Variants in RB1 observed in about 807,000 individuals in gnomAD.
RB1 encodes the protein retinoblastoma-associated protein.
Under a neutral mutation model 135.4 loss-of-function variants are expected in RB1, and 18 were observed. That is an observed-to-expected ratio of 0.13 (90% CI 0.09 to 0.20). RB1 has a LOEUF of 0.20. Among genes scored for constraint, RB1 ranks in the 10% least tolerant of loss-of-function variants. The probability of loss-of-function intolerance (pLI) is 1.00; values close to 1 mark genes in which losing one functional copy is unlikely to be tolerated. For missense variants in RB1, 868 were observed against 1,110.0 expected (o/e 0.78, Z 3.10); for synonymous variants, 365 against 373.2 (o/e 0.98, Z 0.25).
chr13:48,370,523 CTAGAG>C (rs1304835256), intron 11 of RB1, among the ~76,000 whole-genome samples: 4 of 152,148 alleles, frequency 2.6e-5, no homozygotes, highest in African/African-American at 9.7e-5. Flanking sequence ...GATTAATTTG[CTAGAG>C]TAGTTCACAA....
At chr13:48,436,397 C>T (rs578148392) in intron 17 of RB1, among the ~76,000 whole-genome samples, 1 of 152,268 alleles carries the variant, frequency 6.6e-6, no homozygotes, top group Non-Finnish European at 1.5e-5. Context: ...AATCTCAGCA[C>T]TTTGAGAGGC....
At chr13:48,357,055 A>G (rs1190831733) in intron 6 of RB1, among the ~76,000 whole-genome samples, 1 of 151,494 alleles carries the variant, frequency 6.6e-6, no homozygotes, top group Non-Finnish European at 1.5e-5. Context: ...CTTAAACAGG[A>G]TAACATTTCT....
At chr13:48,452,547 C>A (rs1949334296) in intron 17 of RB1, among the ~76,000 whole-genome samples, 1 of 151,858 alleles carries the variant, frequency 6.6e-6, no homozygotes, top group Non-Finnish European at 1.5e-5. Context: ...TTTTTCATAC[C>A]TAATACTGCC....
chr13:48,351,704 C>T (rs1490160230), intron 6 of RB1, among the ~76,000 whole-genome samples: 1 of 151,178 alleles, frequency 6.6e-6, no homozygotes, highest in Non-Finnish European at 1.5e-5. Flanking sequence ...GACAGAGTCT[C>T]ACTCTGTCAC....
intron 17 of RB1, among the ~76,000 whole-genome samples, chr13:48,442,143 G>A (rs1262828223): frequency 6.6e-6 from 1 of 151,920 alleles, no homozygotes; most frequent in African/African-American, 2.4e-5. Flanking sequence ...CTCTTTTAAT[G>A]TCTGTTTCTC....
At chr13:48,431,656 G>A (rs1169286773) in intron 17 of RB1, among the ~76,000 whole-genome samples, 1 of 151,992 alleles carries the variant, frequency 6.6e-6, no homozygotes, top group Non-Finnish European at 1.5e-5. Flanking sequence ...TAGAAGATAC[G>A]AGCACTACTC....
chr13:48,477,295 A>T, intron 25 of RB1, 60 bp from the exon 26 acceptor site: 3 of 1,263,152 alleles, frequency 2.4e-6, no homozygotes, highest in Admixed American at 1.8e-5. Context: ...TAGTTACTGG[A>T]AATTTGAGTT....
At chr13:48,444,268 G>C (rs1949265972) in intron 17 of RB1, among the ~76,000 whole-genome samples, 1 of 152,184 alleles carries the variant, frequency 6.6e-6, no homozygotes. Flanking sequence ...TGTAATCCCA[G>C]CACTTTGGGA....
intron 2 of RB1, chr13:48,317,444 A>C: frequency 2.5e-6 from 1 of 402,026 alleles, no homozygotes; most frequent in Non-Finnish European, 4.5e-6. Flanking sequence ...TGGGCTCCAG[A>C]GTCCCTTTCA....
At chr13:48,479,038 G>A (rs1398628586) in intron 26 of RB1, among the ~76,000 whole-genome samples, 1 of 152,060 alleles carries the variant, frequency 6.6e-6, no homozygotes, top group East Asian at 1.9e-4. Context: ...ACCAGCCTGG[G>A]CAACATAGCA....
intron 17 of RB1, among the ~76,000 whole-genome samples, chr13:48,443,909 ACT>A (rs1949262387): frequency 6.6e-6 from 1 of 151,734 alleles, no homozygotes; most frequent in African/African-American, 2.4e-5. Flanking sequence ...GTAGGAAAAA[ACT>A]CTCTCAAACC....
chr13:48,386,412 G>A (rs538046095), intron 17 of RB1, among the ~76,000 whole-genome samples: 10 of 151,846 alleles, frequency 6.6e-5, no homozygotes, highest in African/African-American at 2.4e-4. Flanking sequence ...AATATTCAAT[G>A]TGATGAAACT....
rs1262874800 is a variant in RB1 at position 48,377,011 on chromosome 13, G to A, written c.1309G>A (p.Gly437Ser). ...GAAATTTGCTAAAGCTGTGGGACAG[G>A]GTTGTGTCGAAATTGGATCACAGGT... is the stretch of plus-strand genomic sequence containing the variant. ...KEKFAKAVGQ[G>S]CVEIGSQRYK... Residue 437 changes from glycine (G) to serine (S), a missense_variant, in exon 13 of 27, where the codon GGT (glycine) becomes AGT (serine). Coordinates refer to ENST00000267163, the MANE Select transcript of RB1 (RefSeq NM_000321.3). 6.2e-7 allele frequency: 1 copy of A among 1,613,744 alleles called. No individual in the cohort carries two copies. The highest frequency in any genetic ancestry group is 1.7e-4 in the Middle Eastern group (1 of 6,056).
intron 2 of RB1, chr13:48,320,223 G>C (rs1952222339): frequency 9.5e-7 from 1 of 1,052,268 alleles, no homozygotes; most frequent in Non-Finnish European, 1.4e-6. Context: ...CCTTGTGCAC[G>C]GTGGGCTTGG....
rs1948522862 is a variant in RB1, at chr13:48,380,194, T to C, written c.1451T>C (p.Met484Thr). 2 of 1,602,294 alleles carry C rather than the reference T, an allele frequency of 1.2e-6. No individual in the cohort carries two copies. Among genetic ancestry groups the C allele is most frequent in the African/African-American group, 2.7e-5 (2 of 74,562 alleles). ...CTTCTGAATGACAACATTTTTCATA[T>C]GTCTTTATTGGCGTGCGCTCTTGAG... ...SKLLNDNIFHMSLLACALEVV... is the reference protein window; with the variant it reads ...SKLLNDNIFHTSLLACALEVV... Residue 484 changes from methionine (M) to threonine (T), a missense_variant, in exon 16 of 27, where the codon ATG becomes ACG. Physicochemically the swap from Met to Thr is moderately conservative, Grantham distance 81. Coordinates refer to ENST00000267163, the MANE Select transcript of RB1 (RefSeq NM_000321.3).
rs986421435 is a variant in RB1, at chr13:48,318,260, G to C, written c.264+10854G>C. On this transcript the variant is annotated intron_variant, in intron 2 of 26. Transcript: ENST00000267163. ...AGCTATTAAGCACCGGCGGGCTTCT[G>C]TCTTTCCAGTCTCTCGGGAGCCCGC... 5 of 852,742 alleles carry C rather than the reference G, an allele frequency of 5.9e-6. No homozygotes were observed. In the African/African-American group the frequency reaches 8.6e-5, roughly 15 times the overall value. The allele number at this position is 852,742 out of a possible 1,614,324, so 52.8% of individuals were successfully genotyped here. A position where few individuals can be genotyped will look rare whatever the true frequency, so the allele number is the denominator to read the frequency against.
intron 17 of RB1, among the ~76,000 whole-genome samples, chr13:48,421,068 A>G (rs748356725): frequency 1.3e-5 from 2 of 152,220 alleles, no homozygotes; most frequent in Admixed American, 6.5e-5. Flanking sequence ...AAAAGCCCAT[A>G]TAGCCAAGAC....
At chr13:48,363,411 A>G (rs1167084707) in intron 8 of RB1, among the ~76,000 whole-genome samples, 2 of 152,010 alleles carry the variant, frequency 1.3e-5, no homozygotes, top group African/African-American at 4.8e-5. Flanking sequence ...AAAAAAATGA[A>G]CTGGGCATGG....
chr13:48,328,059 C>T, intron 2 of RB1: 1 of 788,892 alleles, frequency 1.3e-6, no homozygotes, highest in Non-Finnish European at 2.2e-6. Flanking sequence ...CCCACCCACA[C>T]CCCAATTTCA....
Sources: gnomAD v4.1 joint callset for allele counts (sites outside exome capture counted in the v4.1 genomes callset) on GRCh38, gnomAD v4.1.1 for gene constraint, MANE v1.5 for transcripts, NCBI Gene and HGNC (gene_info 2026-07-23, HGNC 2026-07-21) for gene names.